The following ATXN10 variants were observed in gnomAD, a reference collection of about 807,000 sequenced individuals.
ATXN10 encodes the protein ataxin-10.
Under a neutral mutation model 52.9 loss-of-function variants are expected in ATXN10, and 28 were observed. The observed-to-expected ratio is 0.53, with a 90% CI of 0.39 to 0.73. The LOEUF is 0.73. ATXN10 is among the 30% of genes least tolerant of loss of function. The pLI is 0.00. For missense variants in ATXN10, 565 were observed against 577.0 expected, an observed-to-expected ratio of 0.98 and a Z score of 0.21; for synonymous variants, 226 against 221.5, an observed-to-expected ratio of 1.02 and a Z score of -0.18.
intron 5 of ATXN10, among the ~76,000 whole-genome samples, chr22:45,707,814 G>C (rs1924100652): frequency 1.3e-5 from 2 of 152,040 alleles, no homozygotes; most frequent in Non-Finnish European, 2.9e-5. Flanking sequence ...TCTACATTTG[G>C]TAACAAACAA....
At chr22:45,742,224 T>A (rs758236318) in intron 9 of ATXN10, among the ~76,000 whole-genome samples, 22 of 152,090 alleles carry the variant, frequency 1.4e-4, no homozygotes, top group Non-Finnish European at 2.2e-4. Context: ...GAATATAATA[T>A]AATCCAGAAT....
At chr22:45,735,424 T>G (rs1377374568) in intron 7 of ATXN10, among the ~76,000 whole-genome samples, 3 of 152,100 alleles carry the variant, frequency 2.0e-5, no homozygotes, top group African/African-American at 7.2e-5. Flanking sequence ...TATCATATCC[T>G]AAATTCTTTT....
intron 9 of ATXN10, among the ~76,000 whole-genome samples, chr22:45,753,707 C>T (rs937063033): frequency 6.6e-5 from 10 of 151,998 alleles, no homozygotes. Context: ...GCGCCCATCT[C>T]AGTTTTTATA....
chr22:45,770,995 C>T lies in ATXN10; in HGVS notation c.1173+30457C>T, dbSNP rs1569058108. Among the ~76,000 whole-genome samples the T allele has an allele frequency of 6.6e-6, 1 of 152,144 alleles. No individual in the cohort carries two copies. Among genetic ancestry groups the T allele is most frequent in the African/African-American group, 2.4e-5 (1 of 41,430 alleles). ...CAGCCCTTTTGGCTCTCTGCGGCTGCCTTCTTCCCTCCAATGCAAAATGGT... is the reference window on the plus strand; with the variant it reads ...CAGCCCTTTTGGCTCTCTGCGGCTGTCTTCTTCCCTCCAATGCAAAATGGT... On this transcript the variant is annotated intron_variant, in intron 9 of 11. Transcript: ENST00000252934. This position sits in a 1 kb window ranked among gnomAD's most constrained non-coding sequence, Gnocchi z 4.5.
chr22:45,800,251 A>G (rs1927887507), intron 9 of ATXN10, among the ~76,000 whole-genome samples: 3 of 152,248 alleles, frequency 2.0e-5, no homozygotes, highest in Admixed American at 6.5e-5. Flanking sequence ...ACTCATATGC[A>G]GAATATGTAA....
intron 10 of ATXN10, among the ~76,000 whole-genome samples, chr22:45,834,927 T>C (rs896003153): frequency 3.9e-5 from 6 of 152,084 alleles, no homozygotes; most frequent in African/African-American, 1.2e-4. Context: ...CCAAAACCCT[T>C]TCGTGTGGTT....
chr22:45,736,971 C>G (rs974725387), intron 7 of ATXN10, among the ~76,000 whole-genome samples: 1 of 152,196 alleles, frequency 6.6e-6, no homozygotes, highest in African/African-American at 2.4e-5. Context: ...TTCTTAGGTT[C>G]TGTGAGGTAC....
chr22:45,693,947 T>G (rs938337307), intron 3 of ATXN10, among the ~76,000 whole-genome samples: 3 of 152,220 alleles, frequency 2.0e-5, no homozygotes, highest in Non-Finnish European at 4.4e-5. Context: ...CCATTCAGTC[T>G]GTGGTAAGAC....
intron 9 of ATXN10, among the ~76,000 whole-genome samples, chr22:45,748,531 T>C (rs1288933618): frequency 1.3e-5 from 2 of 152,202 alleles, no homozygotes; most frequent in Non-Finnish European, 2.9e-5. Flanking sequence ...TATGTTATTA[T>C]CTAGTAAAGA....
At position 45,706,030 on chromosome 22, in the gene ATXN10, T is replaced by C. The variant is rs186403588; in HGVS notation, c.647+3183T>C. Among the ~76,000 whole-genome samples the C allele has an allele frequency of 4.6e-5, 7 of 152,278 alleles. No individual in the cohort carries two copies. In the East Asian group the frequency reaches 9.6e-4, roughly 21 times the overall value. On this transcript the variant is annotated intron_variant, in intron 5 of 11. Transcript: ENST00000252934. ...CATGCGAGGGATCTAGGTCTCACAC[T>C]CCTTATGAGAATCTATTACAACTAA...
chr22:45,821,340 G>A (rs758947303), intron 10 of ATXN10, among the ~76,000 whole-genome samples: 20 of 137,984 alleles, frequency 1.4e-4, no homozygotes, highest in Non-Finnish European at 1.5e-4. Context: ...AGTGAGACCC[G>A]TCTCTTTAAA....
intron 9 of ATXN10, among the ~76,000 whole-genome samples, chr22:45,773,771 A>G (rs1358334847): frequency 6.6e-6 from 1 of 152,172 alleles, no homozygotes; most frequent in Admixed American, 6.5e-5. Context: ...ATGAAGAATT[A>G]TTAAACCTGA....
At position 45,689,988 on chromosome 22, in the gene ATXN10, T is replaced by C. The variant is rs1381829979; in HGVS notation, c.308+85T>C. 2.7e-6 allele frequency: 4 copies of C among 1,454,976 alleles called. No individual in the cohort carries two copies. In the East Asian group the frequency reaches 9.2e-5, roughly 33 times the overall value. 90.1% of individuals were successfully genotyped at this position (1,454,976 alleles called of 1,614,324 possible). On this transcript the variant is annotated intron_variant, in intron 2 of 11. Coordinates refer to ENST00000252934, the MANE Select transcript of ATXN10 (RefSeq NM_013236.4). The stretch of plus-strand genomic sequence containing the variant: ...TTTGGTTTATCTGTTAGAAGTTGTT[T>C]TGGGCTGGGTAAGGTGGCTCATGCC...
chr22:45,719,555 ATT>A (rs35705178), intron 6 of ATXN10, among the ~76,000 whole-genome samples: 34 of 147,040 alleles, frequency 2.3e-4, no homozygotes, highest in Admixed American at 2.0e-4. Context: ...AAAAATTAGT[ATT>A]TTTTTTTTTT....
Position 45,819,836 on chromosome 22 carries a change from C to T in ATXN10, c.1237+12814C>T, listed in dbSNP as rs185632655. 1.2e-4 allele frequency among the ~76,000 whole-genome samples: 18 copies of T among 152,242 alleles called. No homozygotes were observed. The highest frequency in any genetic ancestry group is 1.8e-4 in the Non-Finnish European group (12 of 68,026). ...AGAAAGTTAATACCTTTTTAAATTG[C>T]GAAACTTAAATACCATTGCCACACA... On this transcript the variant is annotated intron_variant, in intron 10 of 11. Coordinates refer to ENST00000252934, the MANE Select transcript of ATXN10 (RefSeq NM_013236.4). This position sits in a 1 kb window ranked among gnomAD's most constrained non-coding sequence, Gnocchi z 4.5.
chr22:45,693,793 G>A (rs1339445664), intron 3 of ATXN10, among the ~76,000 whole-genome samples: 1 of 152,170 alleles, frequency 6.6e-6, no homozygotes, highest in Non-Finnish European at 1.5e-5. Context: ...CATGCTCAGA[G>A]TAGAGACCAT....
chr22:45,814,846 A>G (rs972306649), intron 10 of ATXN10, among the ~76,000 whole-genome samples: 8 of 152,136 alleles, frequency 5.3e-5, no homozygotes, highest in African/African-American at 1.7e-4. Context: ...CGTGAACCCT[A>G]TTGTGAGCTG....
rs548117771 is a variant in ATXN10 at position 45,802,310 on chromosome 22, A to G, written c.1174-4649A>G. 2.3e-3 allele frequency among the ~76,000 whole-genome samples: 348 copies of G among 152,330 alleles called. 1 individual carries two copies. The highest frequency in any genetic ancestry group is 8.0e-3 in the African/African-American group (333 of 41,580). ...CAACTCCCAACATGTTAGTAAAGAA[A>G]CAAACAACTTTCTTGTTTAATGAAG... On this transcript the variant is annotated intron_variant, in intron 9 of 11. Transcript: ENST00000252934.
rs1927107745 is a variant in ATXN10, at chr22:45,780,413, GA to G, written c.1174-26543del. ...GTTTGCTCTCATGAGAGCAGGGTGT[GA>G]AAGCCCCCTTGTTGCCTGTTTCAGA... is the stretch of plus-strand genomic sequence containing the variant. On this transcript the variant is annotated intron_variant, in intron 9 of 11. Transcript: ENST00000252934. This position sits in a 1 kb window ranked among gnomAD's most constrained non-coding sequence, Gnocchi z 4.0. Among the ~76,000 whole-genome samples the G allele has an allele frequency of 6.6e-6, 1 of 152,196 alleles. No individual in the cohort carries two copies. The highest frequency in any genetic ancestry group is 6.5e-5 in the Admixed American group (1 of 15,288).
Sources: gnomAD v4.1 joint callset for allele counts (sites outside exome capture counted in the v4.1 genomes callset) on GRCh38, gnomAD v4.1.1 for gene constraint, Gnocchi (gnomAD v3.1) non-coding constraint, MANE v1.5 for transcripts, NCBI Gene and HGNC (gene_info 2026-07-23, HGNC 2026-07-21) for gene names.